Variants in SORBS2 observed in about 807,000 individuals in gnomAD.
The protein encoded by SORBS2 is sorbin and SH3 domain containing 2, also known as sorbin and SH3 domain-containing protein 2.
SORBS2 carries 46 observed loss-of-function variants against 97.7 expected under a neutral mutation model. That is an observed-to-expected ratio of 0.47 (90% confidence interval 0.37 to 0.60). SORBS2 has a LOEUF of 0.60. Ranked by LOEUF, SORBS2 falls within the 20% of genes least tolerant of loss-of-function variation. SORBS2 has a pLI of 0.00. For missense variants in SORBS2, 1,316 were observed against 1,282.3 expected (o/e 1.03, Z -0.40); for synonymous variants, 476 against 473.4 (o/e 1.01, Z -0.07).
At chr4:185,696,812 A>G (rs2098182416) in intron 2 of SORBS2, among the ~76,000 whole-genome samples, 1 of 152,190 alleles carries the variant, frequency 6.6e-6, no homozygotes, top group Non-Finnish European at 1.5e-5. Flanking sequence ...ACATCTAAGT[A>G]TTTTCAAGTG....
intron 2 of SORBS2, among the ~76,000 whole-genome samples, chr4:185,689,295 C>T (rs942662328): frequency 6.6e-6 from 1 of 152,188 alleles, no homozygotes; most frequent in African/African-American, 2.4e-5. Flanking sequence ...ATATCACTTC[C>T]TCATGTGGAA....
intron 1 of SORBS2, among the ~76,000 whole-genome samples, chr4:185,793,093 T>C (rs1287875751): frequency 1.3e-5 from 2 of 152,256 alleles, no homozygotes; most frequent in Non-Finnish European, 2.9e-5. Context: ...GAATACTTAC[T>C]GTTATTTTAC....
chr4:185,756,933 T>C lies in SORBS2; in HGVS notation c.-198+18294A>G, dbSNP rs966630974. On this transcript the variant is annotated intron_variant, in intron 2 of 20. Transcript: ENST00000284776. The stretch of plus-strand genomic sequence containing the variant: ...GGTCCATATTGAGTATTTTCATTTC[T>C]GGGTAAGGGAAAAAGCATTTTGGTC... 9 of 1,433,378 alleles carry C rather than the reference T, an allele frequency of 6.3e-6. No homozygotes were observed. The African/African-American group carries it at 8.5e-5, about 13-fold the overall frequency. 88.8% of individuals were successfully genotyped at this position (1,433,378 alleles called of 1,614,324 possible).
At chr4:185,807,755 C>A (rs1402172667) in intron 1 of SORBS2, among the ~76,000 whole-genome samples, 1 of 152,158 alleles carries the variant, frequency 6.6e-6, no homozygotes, top group Non-Finnish European at 1.5e-5. Context: ...ACATATTTAT[C>A]TGTATTTTTC....
chr4:185,780,701 C>T (rs1457982060), intron 1 of SORBS2, among the ~76,000 whole-genome samples: 4 of 152,138 alleles, frequency 2.6e-5, no homozygotes, highest in Admixed American at 6.5e-5. Context: ...TCAAATCATA[C>T]GTCCAATGAC....
At chr4:185,836,564 C>A (rs2099208195) in intron 1 of SORBS2, among the ~76,000 whole-genome samples, 1 of 152,128 alleles carries the variant, frequency 6.6e-6, no homozygotes, top group South Asian at 2.1e-4. Flanking sequence ...TTCTTTTTCA[C>A]AATGAACCTA....
At chr4:185,717,772 A>G (rs1438344299) in intron 2 of SORBS2, among the ~76,000 whole-genome samples, 2 of 152,202 alleles carry the variant, frequency 1.3e-5, no homozygotes, top group East Asian at 1.9e-4. Context: ...GTGACAGCCA[A>G]TATCAGGTAG....
chr4:185,716,566 T>C (rs1401552282), intron 2 of SORBS2, among the ~76,000 whole-genome samples: 1 of 152,162 alleles, frequency 6.6e-6, no homozygotes, highest in Non-Finnish European at 1.5e-5. Context: ...TTCAAATGAA[T>C]TCACGAATCA....
chr4:185,651,134 G>T (rs2097306851), intron 2 of SORBS2, among the ~76,000 whole-genome samples: 1 of 152,198 alleles, frequency 6.6e-6, no homozygotes, highest in Non-Finnish European at 1.5e-5. Context: ...GGAGCCCTGG[G>T]CAGAATCCCG....
intron 1 of SORBS2, among the ~76,000 whole-genome samples, chr4:185,896,638 C>T (rs2149816440): frequency 6.6e-6 from 1 of 152,116 alleles, no homozygotes; most frequent in South Asian, 2.1e-4. Context: ...TATGGAAATT[C>T]CTTACTTCTT....
chr4:185,868,159 C>CTTTTTTTTTTTTTT lies in SORBS2; in HGVS notation c.-338+88023_-338+88036dup, dbSNP rs112680775. 9.7e-4 allele frequency among the ~76,000 whole-genome samples: 102 copies of CTTTTTTTTTTTTTT among 105,200 alleles called. 2 individuals carry two copies. The highest frequency in any genetic ancestry group is 1.1e-3 in the Non-Finnish European group (64 of 55,834). The allele number at this position is 105,200 out of a possible 152,430, so 69.0% of individuals were successfully genotyped here. On this transcript the variant is annotated intron_variant, in intron 1 of 20. Transcript: ENST00000284776. The stretch of plus-strand genomic sequence containing the variant: ...TCTCTTTTCTTTTCTTTTTTTCTTT[C>CTTTTTTTTTTTTTT]TTTTTTTTTTTTTTTGAGGCAGAGT...
intron 1 of SORBS2, among the ~76,000 whole-genome samples, chr4:185,924,710 C>T (rs2099262680): frequency 6.6e-6 from 1 of 152,180 alleles, no homozygotes; most frequent in Non-Finnish European, 1.5e-5. Flanking sequence ...GTGCCCTATG[C>T]AAATCAGACA....
At chr4:185,918,396 T>C (rs2149909869) in intron 1 of SORBS2, 1 of 152,380 alleles carries the variant, frequency 6.6e-6, no homozygotes, top group Non-Finnish European at 1.5e-5. Context: ...ATTTCTCTCA[T>C]ACTGATGTGC....
rs747145842 is a variant in SORBS2 at position 185,623,720 on chromosome 4, C to T, written c.1409G>A (p.Arg470Gln). 8 of 1,613,938 alleles carry T rather than the reference C, an allele frequency of 5.0e-6. No homozygotes were observed. The highest frequency in any genetic ancestry group is 2.2e-5 in the East Asian group (1 of 44,862). The change falls in exon 7 of 15, where the codon CGG becomes CAG. Residue 470 changes from arginine to glutamine, a missense_variant. Arg to Gln is a conservative substitution (Grantham distance 43). Transcript: ENST00000418609. This position sits in a 1 kb window ranked among gnomAD's most constrained non-coding sequence, Gnocchi z 6.4. ...GTTAGACTGGCAGCCTCGCCGGCCCCGAGCGGGGGGGCCGCTTTGATTTTC... is the reference window on the plus strand; with the variant it reads ...GTTAGACTGGCAGCCTCGCCGGCCCTGAGCGGGGGGGCCGCTTTGATTTTC...
At chr4:185,813,469 G>A (rs976890717) in intron 1 of SORBS2, among the ~76,000 whole-genome samples, 1 of 152,230 alleles carries the variant, frequency 6.6e-6, no homozygotes, top group Admixed American at 6.5e-5. Context: ...AGTCCTCACC[G>A]CTTCAGATCG....
chr4:185,609,884 C>T (rs575243178), intron 12 of SORBS2, among the ~76,000 whole-genome samples: 51 of 152,248 alleles, frequency 3.3e-4, no homozygotes, highest in African/African-American at 1.1e-3. Flanking sequence ...GGGAAGTTTT[C>T]TTCATTAAGC....
At chr4:185,792,813 G>T (rs573572259) in intron 1 of SORBS2, among the ~76,000 whole-genome samples, 1 of 152,286 alleles carries the variant, frequency 6.6e-6, no homozygotes, top group South Asian at 2.1e-4. Context: ...TGGCTGATCT[G>T]TAGTTCCCAC....
chr4:185,828,692 A>G (rs1015833135), intron 1 of SORBS2, among the ~76,000 whole-genome samples: 2 of 152,094 alleles, frequency 1.3e-5, no homozygotes, highest in African/African-American at 4.8e-5. Context: ...AGTGGCAGAC[A>G]CTGTACATCA....
intron 4 of SORBS2, among the ~76,000 whole-genome samples, chr4:185,633,697 A>G (rs1040949347): frequency 1.3e-5 from 2 of 150,300 alleles, no homozygotes; most frequent in African/African-American, 2.5e-5. Flanking sequence ...AGGAAATAGC[A>G]CAGAAATGAA....
Sources: allele counts gnomAD v4.1 joint callset (sites outside exome capture counted in the v4.1 genomes callset), GRCh38; gene constraint gnomAD v4.1.1; non-coding constraint Gnocchi (gnomAD v3.1); transcripts MANE v1.5; gene names NCBI Gene and HGNC (gene_info 2026-07-23, HGNC 2026-07-21).